Variants in EFCAB6 observed in about 807,000 individuals in gnomAD.
The protein encoded by EFCAB6 is EF-hand calcium binding domain 6.
EFCAB6 carries 156 observed loss-of-function variants against 169.8 expected under a neutral mutation model. That is an observed-to-expected ratio of 0.92 (90% CI 0.81 to 1.05). The LOEUF is 1.05. EFCAB6 is among the 50% of genes least tolerant of loss of function. EFCAB6 has a pLI of 0.00. For synonymous variants in EFCAB6, 698 were observed against 676.4 expected (o/e 1.03, Z -0.50); for missense variants, 1,800 against 1,829.1 (o/e 0.98, Z 0.29).
At chr22:43,665,156 C>T (rs6006526) in intron 17 of EFCAB6, among the ~76,000 whole-genome samples, 1,644 of 152,290 alleles carry the variant, frequency 0.011, 28 homozygotes, top group African/African-American at 0.038. Flanking sequence ...CCCTCTTTGG[C>T]TGTGCCCACA....
chr22:43,667,345 A>G lies in EFCAB6; in HGVS notation c.1815-73T>C, dbSNP rs186188822. ...AGGGTGCTTCCTCCAGACTGCACCC[A>G]TTTCCATGTAACCCATGACAGTAAG... On this transcript the variant is annotated intron_variant, in intron 16 of 31. Transcript: ENST00000262726. 3.2e-4 allele frequency: 487 copies of G among 1,524,050 alleles called. 1 individual carries two copies. In the African/African-American group the frequency reaches 5.7e-3, roughly 18 times the overall value. The allele number at this position is 1,524,050 out of a possible 1,614,324, so 94.4% of individuals were successfully genotyped here.
intron 20 of EFCAB6, among the ~76,000 whole-genome samples, chr22:43,619,319 T>C (rs890230819): frequency 6.6e-6 from 1 of 152,216 alleles, no homozygotes; most frequent in Non-Finnish European, 1.5e-5. Context: ...ACTAGGCTGA[T>C]TGCCTGCTAA....
At chr22:43,650,324 T>C (rs1182102255) in intron 17 of EFCAB6, among the ~76,000 whole-genome samples, 1 of 152,186 alleles carries the variant, frequency 6.6e-6, no homozygotes, top group Non-Finnish European at 1.5e-5. Context: ...TCTCAAGAGA[T>C]CTGACGGTTT....
intron 11 of EFCAB6, among the ~76,000 whole-genome samples, chr22:43,684,454 A>G (rs368839677): frequency 1.3e-5 from 2 of 152,088 alleles, no homozygotes; most frequent in South Asian, 4.2e-4. Context: ...ACCAAGTTCA[A>G]TGTGGACTTG....
At chr22:43,657,740 A>G (rs955408666) in intron 17 of EFCAB6, among the ~76,000 whole-genome samples, 1 of 152,188 alleles carries the variant, frequency 6.6e-6, no homozygotes, top group African/African-American at 2.4e-5. Context: ...GAAGAAAATA[A>G]TCAATATAAC....
rs1190571951 is a variant in EFCAB6, at chr22:43,608,582, T to C, written c.2581A>G (p.Asn861Asp). ...DLSKNFLETD[N>D]EGNGILRRRD... ...CGTCGAAGAATGCCATTGCCCTCAT[T>C]ATCGGTTTCTAGAAAATTCTACAAC... The change falls in exon 22 of 32, where the codon AAT becomes GAT. Residue 861 changes from asparagine to aspartate, a missense_variant. Transcript: ENST00000262726. The C allele has an allele frequency of 3.1e-6, 5 of 1,614,148 alleles. No homozygotes were observed. Among genetic ancestry groups the C allele is most frequent in the Non-Finnish European group, 4.2e-6 (5 of 1,180,016 alleles).
chr22:43,726,411 T>C (rs1384223218), intron 8 of EFCAB6, among the ~76,000 whole-genome samples: 1 of 151,996 alleles, frequency 6.6e-6, no homozygotes, highest in East Asian at 1.9e-4. Flanking sequence ...CATTTAAAAC[T>C]CTGGGCAAAA....
rs1328397908 is a variant in EFCAB6, at chr22:43,626,500, A to G, written c.2412T>C (p.Asn804=). The G allele has an allele frequency of 6.2e-7, 1 of 1,614,168 alleles. No individual in the cohort carries two copies. The highest frequency in any genetic ancestry group is 1.1e-5 in the South Asian group (1 of 91,072). The part of the protein sequence containing the change: ...SVTLNFREFQ[N]LCEKRPWRTD... ...TTCTCCATGGTCTCTTCTCACACAA[A>G]TTTTGAAATTCCCGAAAATTTAAAG... Residue 804 remains asparagine, a synonymous_variant, in exon 20 of 32, where the codon AAT becomes AAC. Transcript: ENST00000262726.
At chr22:43,728,540 T>C (rs1211963277) in intron 8 of EFCAB6, among the ~76,000 whole-genome samples, 3 of 152,216 alleles carry the variant, frequency 2.0e-5, no homozygotes, top group African/African-American at 7.2e-5. Flanking sequence ...AGGGTAGAAG[T>C]GTTCCTATTT....
At chr22:43,734,482 AC>A (rs2060063280) in intron 7 of EFCAB6, among the ~76,000 whole-genome samples, 1 of 152,180 alleles carries the variant, frequency 6.6e-6, no homozygotes, top group Non-Finnish European at 1.5e-5. Context: ...GGGGAAACAG[AC>A]AGTAACATTT....
intron 10 of EFCAB6, among the ~76,000 whole-genome samples, chr22:43,690,608 C>G (rs1467462222): frequency 2.6e-5 from 4 of 151,996 alleles, no homozygotes; most frequent in Non-Finnish European, 1.5e-5. Context: ...AGAAACGACA[C>G]TCCTTCTGAA....
chr22:43,586,741 G>A (rs951719899), intron 24 of EFCAB6, among the ~76,000 whole-genome samples: 1 of 152,092 alleles, frequency 6.6e-6, no homozygotes, highest in African/African-American at 2.4e-5. Context: ...CTCAAGGTGG[G>A]GTGCAAAAGT....
intron 29 of EFCAB6, chr22:43,536,344 C>T (rs1018233235): frequency 5.3e-5 from 8 of 152,134 alleles, no homozygotes; most frequent in Admixed American, 5.2e-4. Context: ...TAGGCTCTAA[C>T]TTAAAGAGTT....
chr22:43,758,031 CATG>C (rs1041669778), intron 5 of EFCAB6, among the ~76,000 whole-genome samples: 15 of 152,198 alleles, frequency 9.9e-5, no homozygotes, highest in Admixed American at 3.9e-4. Flanking sequence ...AAGTGGACTA[CATG>C]ATAATTGAAT....
At chr22:43,530,369 G>C (rs1276284238) in intron 31 of EFCAB6, among the ~76,000 whole-genome samples, 1 of 152,260 alleles carries the variant, frequency 6.6e-6, no homozygotes, top group East Asian at 1.9e-4. Context: ...CATCAGGGCA[G>C]ATGCCCAATG....
At chr22:43,708,089 T>TAAAAAAAAAAAAAAAAAAAAAAAAAA (rs137824) in intron 10 of EFCAB6, among the ~76,000 whole-genome samples, 1 of 115,556 alleles carries the variant, frequency 8.7e-6, no homozygotes, top group Non-Finnish European at 1.8e-5. Flanking sequence ...TAAAGAAAAC[T>TAAAAAAAAAAAAAAAAAAAAAAAAAA]AAAAAAAAAA....
At chr22:43,659,592 C>A (rs548719588) in intron 17 of EFCAB6, among the ~76,000 whole-genome samples, 1 of 151,788 alleles carries the variant, frequency 6.6e-6, no homozygotes, top group South Asian at 2.1e-4. Flanking sequence ...CCTGGGAGGT[C>A]GAGGCTGCAG....
intron 6 of EFCAB6, among the ~76,000 whole-genome samples, chr22:43,747,893 A>T (rs1449940058): frequency 6.6e-6 from 1 of 152,190 alleles, no homozygotes; most frequent in Non-Finnish European, 1.5e-5. Context: ...AGCAACTTGT[A>T]TCACTTTATT....
At chr22:43,797,801 C>T (rs1436710539) in intron 2 of EFCAB6, among the ~76,000 whole-genome samples, 2 of 152,162 alleles carry the variant, frequency 1.3e-5, no homozygotes, top group African/African-American at 4.8e-5. Context: ...CAGGCCCTCC[C>T]CTGCTTCTCT....
Sources: gnomAD v4.1 joint callset for allele counts (sites outside exome capture counted in the v4.1 genomes callset) on GRCh38, gnomAD v4.1.1 for gene constraint, MANE v1.5 for transcripts, NCBI Gene and HGNC (gene_info 2026-07-23, HGNC 2026-07-21) for gene names.